Variants in SEMA6D observed in about 807,000 individuals in gnomAD.
SEMA6D encodes semaphorin 6D, also known as semaphorin-6D.
In SEMA6D, 35 loss-of-function variants were observed where a neutral mutation model predicts 106.6. The ratio of observed to expected loss-of-function variants is 0.33; its 90% CI spans 0.25 to 0.44. The LOEUF is 0.44. SEMA6D is among the 20% of genes least tolerant of loss of function. The pLI, the probability that SEMA6D is intolerant of heterozygous loss-of-function variation, is 1.00. For missense variants in SEMA6D, 1,185 were observed against 1,345.9 expected (o/e 0.88, Z 1.87); for synonymous variants, 499 against 487.7 (o/e 1.02, Z -0.31).
intron 3 of SEMA6D, among the ~76,000 whole-genome samples, chr15:47,587,634 T>C (rs756712584): frequency 3.0e-4 from 46 of 152,292 alleles, no homozygotes; most frequent in Non-Finnish European, 4.9e-4. Context: ...TTGAGGGCCA[T>C]ACATTCTTTA....
At chr15:47,345,157 G>C (rs957384726) in intron 1 of SEMA6D, among the ~76,000 whole-genome samples, 1 of 152,052 alleles carries the variant, frequency 6.6e-6, no homozygotes, top group Non-Finnish European at 1.5e-5. Flanking sequence ...ATATTAATCT[G>C]TACGGTCAAC....
chr15:47,692,780 C>G (rs1206043497), intron 4 of SEMA6D, among the ~76,000 whole-genome samples: 1 of 152,046 alleles, frequency 6.6e-6, no homozygotes, highest in Admixed American at 6.6e-5. Flanking sequence ...GTAGCGATGA[C>G]CCTGGGGTCT....
intron 1 of SEMA6D, among the ~76,000 whole-genome samples, chr15:47,265,731 C>G (rs181059058): frequency 8.8e-4 from 134 of 151,804 alleles, no homozygotes; most frequent in African/African-American, 3.0e-3. Flanking sequence ...TAAATTATAG[C>G]CATTTGGGGT....
chr15:47,302,865 C>T (rs1033747585), intron 1 of SEMA6D, among the ~76,000 whole-genome samples: 1 of 152,132 alleles, frequency 6.6e-6, no homozygotes, highest in Admixed American at 6.5e-5. Context: ...AACTACAGAG[C>T]TGTAAGAGAC....
chr15:47,574,068 G>A (rs2076114101), intron 3 of SEMA6D, among the ~76,000 whole-genome samples: 1 of 151,964 alleles, frequency 6.6e-6, no homozygotes, highest in East Asian at 1.9e-4. Flanking sequence ...ATCCAGGCAA[G>A]AACTTCTTCT....
At chr15:47,230,620 A>G (rs1236486271) in intron 1 of SEMA6D, among the ~76,000 whole-genome samples, 2 of 151,710 alleles carry the variant, frequency 1.3e-5, no homozygotes, top group Non-Finnish European at 2.9e-5. Flanking sequence ...CTTCCTTTAT[A>G]CTCTGCTTTC....
intron 1 of SEMA6D, among the ~76,000 whole-genome samples, chr15:47,264,257 GT>G (rs752919559): frequency 3.3e-5 from 5 of 151,908 alleles, no homozygotes; most frequent in Non-Finnish European, 7.4e-5. Context: ...TAATATCTGG[GT>G]GATGAAATAC....
chr15:47,406,969 A>G (rs563770819), intron 1 of SEMA6D, among the ~76,000 whole-genome samples: 168 of 152,358 alleles, frequency 1.1e-3, no homozygotes, highest in African/African-American at 4.0e-3. Context: ...AACAACAACA[A>G]CAACAACAAA....
intron 3 of SEMA6D, among the ~76,000 whole-genome samples, chr15:47,543,054 A>G (rs2045406566): frequency 6.6e-6 from 1 of 152,122 alleles, no homozygotes. Context: ...ATTAGACTGT[A>G]AGTATCCTGA....
intron 3 of SEMA6D, among the ~76,000 whole-genome samples, chr15:47,556,162 A>C (rs548728318): frequency 6.6e-6 from 1 of 152,294 alleles, no homozygotes; most frequent in South Asian, 2.1e-4. Flanking sequence ...TGTTATACTT[A>C]AAAAGATTAT....
At chr15:47,592,623 G>A (rs755821053) in intron 3 of SEMA6D, among the ~76,000 whole-genome samples, 9 of 152,114 alleles carry the variant, frequency 5.9e-5, no homozygotes, top group Non-Finnish European at 1.3e-4. Flanking sequence ...AAACCCCTTG[G>A]TTTAGAGACA....
Position 47,203,148 on chromosome 15 carries a change from G to A in SEMA6D, c.-239+18730G>A, listed in dbSNP as rs149622363. 4.2e-4 allele frequency among the ~76,000 whole-genome samples: 64 copies of A among 152,054 alleles called. 1 individual carries two copies. The highest frequency in any genetic ancestry group is 1.4e-3 in the African/African-American group (60 of 41,470). The stretch of plus-strand genomic sequence containing the variant: ...CCACCTTTCACTATTAAAAGTTTTG[G>A]GACTCAGAAGGCAATACCCCCAAAC... On this transcript the variant is annotated intron_variant, in intron 1 of 19. Transcript: ENST00000558014.
intron 1 of SEMA6D, chr15:47,730,267 A>G: frequency 6.5e-7 from 1 of 1,540,084 alleles, no homozygotes. Context: ...TGTCGTTGTA[A>G]TTGGTCCTGA....
rs545161067 is a variant in SEMA6D at position 47,213,774 on chromosome 15, C to T, written c.-239+29356C>T. Reference sequence around the variant, plus strand: ...AAAATGACAGCCTGTAGCAGAAGGTCTTAACCACAGAGACTCAACACATTG... The same window carrying T: ...AAAATGACAGCCTGTAGCAGAAGGTTTTAACCACAGAGACTCAACACATTG... On this transcript the variant is annotated intron_variant, in intron 1 of 19. Coordinates refer to the SEMA6D transcript ENST00000558014. 7.9e-5 allele frequency among the ~76,000 whole-genome samples: 12 copies of T among 152,192 alleles called. No homozygotes were observed. In the South Asian group the frequency reaches 2.5e-3, roughly 32 times the overall value.
At chr15:47,458,102 C>G (rs2042397949) in intron 2 of SEMA6D, among the ~76,000 whole-genome samples, 1 of 151,824 alleles carries the variant, frequency 6.6e-6, no homozygotes, top group African/African-American at 2.4e-5. Flanking sequence ...CAAACAAGAG[C>G]TGAAATCTAG....
chr15:47,718,297 C>G (rs906027238), intron 1 of SEMA6D, among the ~76,000 whole-genome samples: 1 of 152,170 alleles, frequency 6.6e-6, no homozygotes, highest in African/African-American at 2.4e-5. Context: ...CGGCTAGGAG[C>G]GGGCGGGCGA....
At chr15:47,705,978 G>A (rs917145851) in intron 4 of SEMA6D, among the ~76,000 whole-genome samples, 4 of 152,152 alleles carry the variant, frequency 2.6e-5, no homozygotes, top group Non-Finnish European at 5.9e-5. Context: ...CTCAGTTACG[G>A]GGCACATGTG....
At chr15:47,644,138 A>T (rs2077538709) in intron 4 of SEMA6D, among the ~76,000 whole-genome samples, 1 of 152,218 alleles carries the variant, frequency 6.6e-6, no homozygotes. Flanking sequence ...GTTAAAAAAA[A>T]ATCAAAGATC....
At chr15:47,468,844 G>T (rs749360850) in intron 2 of SEMA6D, among the ~76,000 whole-genome samples, 1 of 152,068 alleles carries the variant, frequency 6.6e-6, no homozygotes, top group Non-Finnish European at 1.5e-5. Flanking sequence ...GGCTGCATTC[G>T]CTTACCCTCA....
Sources: gnomAD v4.1 joint callset for allele counts (sites outside exome capture counted in the v4.1 genomes callset) on GRCh38, gnomAD v4.1.1 for gene constraint, MANE v1.5 for transcripts, NCBI Gene and HGNC (gene_info 2026-07-23, HGNC 2026-07-21) for gene names.